EPG5: variants seen among roughly 807,000 people sequenced by gnomAD.
EPG5 encodes the protein ectopic P granules protein 5 homolog.
In EPG5, 159 loss-of-function variants were observed where a neutral mutation model predicts 302.7. The ratio of observed to expected loss-of-function variants is 0.53; its 90% CI spans 0.46 to 0.60. The LOEUF (loss-of-function observed/expected upper bound fraction) is 0.60. Ranked by LOEUF, EPG5 falls within the 20% of genes least tolerant of loss-of-function variation. The pLI, the probability that EPG5 is intolerant of heterozygous loss-of-function variation, is 0.00. For missense variants in EPG5, 2,896 were observed against 3,092.4 expected (o/e 0.94, Z 1.51); for synonymous variants, 1,158 against 1,136.8 (o/e 1.02, Z -0.37).
chr18:45,930,782 C>T lies in EPG5; in HGVS notation c.2306G>A (p.Ser769Asn). Residue 769 changes from serine (S) to asparagine (N), a missense_variant, in exon 12 of 44, where the codon AGC becomes AAC. Physicochemically the swap from Ser to Asn is conservative, Grantham distance 46. Around this residue, in one of 5 missense-constraint regions of EPG5, gnomAD observed 1,390 missense variants for 1,430.0 expected, o/e 0.97. Transcript: ENST00000282041. Reference sequence around the variant, plus strand: ...AGTCAGAAGGCAAATCTCTTCTGAGCTATTCATAGAAGAAAGACACTTCTC... The same window carrying T: ...AGTCAGAAGGCAAATCTCTTCTGAGTTATTCATAGAAGAAAGACACTTCTC... ...NFEKCLSSMN[S>N]SEEICLLTTF... The T allele has an allele frequency of 6.2e-7, 1 of 1,609,762 alleles. No homozygotes were observed. The highest frequency in any genetic ancestry group is 8.5e-7 in the Non-Finnish European group (1 of 1,178,638).
At chr18:45,905,934 TG>T (rs2049739830) in intron 24 of EPG5, among the ~76,000 whole-genome samples, 1 of 152,184 alleles carries the variant, frequency 6.6e-6, no homozygotes, top group South Asian at 2.1e-4. Flanking sequence ...CAGGACACCA[TG>T]GTCTCATGTG....
Position 45,907,764 on chromosome 18 carries a change from T to G in EPG5, c.4329+194A>C, listed in dbSNP as rs1488472584. On this transcript the variant is annotated intron_variant, in intron 24 of 43. Transcript: ENST00000282041. Reference sequence around the variant, plus strand: ...TCAAGCCTTCAGGTAGAAGGCACGGTGGGGCTGGAGATTCAAAAGGGAGTA... The same window carrying G: ...TCAAGCCTTCAGGTAGAAGGCACGGGGGGGCTGGAGATTCAAAAGGGAGTA... 1.7e-4 allele frequency: 80 copies of G among 476,246 alleles called. No individual in the cohort carries two copies. In the East Asian group the frequency reaches 3.0e-3, roughly 18 times the overall value. The allele number at this position is 476,246 out of a possible 1,614,324, so 29.5% of individuals were successfully genotyped here. A position where few individuals can be genotyped will look rare whatever the true frequency, so the allele number is the denominator to read the frequency against.
At chr18:45,826,891 C>G in the EPG5 span, among the ~76,000 whole-genome samples, 1 of 152,156 alleles carries the variant, frequency 6.6e-6, no homozygotes, top group Non-Finnish European at 1.5e-5. Flanking sequence ...GGCTGAAAAC[C>G]CTATGAGAAA....
chr18:45,917,788 G>T lies in EPG5; in HGVS notation c.3130C>A (p.Leu1044Ile). 1.2e-6 allele frequency: 2 copies of T among 1,614,120 alleles called. No individual in the cohort carries two copies. The highest frequency in any genetic ancestry group is 1.7e-6 in the Non-Finnish European group (2 of 1,179,966). ...CTTGACTGGACCAGAATTCCCAATA[G>T]TGGGATGCCTTCTGCACAGAACTTC... ...IEKFCAEGIPLLGILVQSRHL... is the reference protein window; with the variant it reads ...IEKFCAEGIPILGILVQSRHL... The change falls in exon 17 of 44, where the codon CTA (leucine) becomes ATA (isoleucine). Residue 1044 changes from leucine (L) to isoleucine (I), a missense_variant. Coordinates refer to ENST00000282041, the MANE Select transcript of EPG5 (RefSeq NM_020964.3).
the EPG5 span, among the ~76,000 whole-genome samples, chr18:45,805,803 T>G: frequency 9.2e-5 from 14 of 152,216 alleles, no homozygotes; most frequent in African/African-American, 3.1e-4. Context: ...CATAACAGTC[T>G]TGTATGTGCA....
Position 45,953,252 on chromosome 18 carries a change from T to C in EPG5, c.1009-609A>G, listed in dbSNP as rs189388502. 5.9e-5 allele frequency: 57 copies of C among 973,114 alleles called. No individual in the cohort carries two copies. The East Asian group carries it at 4.2e-3, about 73-fold the overall frequency. The allele number at this position is 973,114 out of a possible 1,614,324, so 60.3% of individuals were successfully genotyped here. ...CTAAGACTTTCATGATTGATGATCT[T>C]ACCTTCTATTTTATGAATATGAAGC... On this transcript the variant is annotated intron_variant, in intron 2 of 43. Transcript: ENST00000282041.
chr18:45,967,296 A>T lies in EPG5; in HGVS notation c.-57T>A. ...TTTGTCAAACCCCTGCGCTTCAAGC[A>T]ACCTGCCCGGTTCTGGCCTCCGGAC... On this transcript the variant is annotated 5_prime_UTR_variant, in exon 1 of 44. Coordinates refer to ENST00000282041, the MANE Select transcript of EPG5 (RefSeq NM_020964.3). 6.7e-7 allele frequency: 1 copy of T among 1,491,692 alleles called. No individual in the cohort carries two copies. The highest frequency in any genetic ancestry group is 1.4e-5 in the African/African-American group (1 of 71,380). 92.4% of individuals were successfully genotyped at this position (1,491,692 alleles called of 1,614,324 possible).
intron 22 of EPG5, among the ~76,000 whole-genome samples, chr18:45,911,126 T>C (rs915665186): frequency 5.4e-5 from 8 of 149,380 alleles, no homozygotes; most frequent in African/African-American, 1.7e-4. Context: ...TATATATATA[T>C]ACATTTTTTT....
chr18:45,934,055 G>A (rs527381627), intron 11 of EPG5, among the ~76,000 whole-genome samples: 30 of 152,142 alleles, frequency 2.0e-4, no homozygotes, highest in African/African-American at 6.0e-4. Context: ...TTGGGAGGCC[G>A]AAGCAGGCAG....
Position 45,907,744 on chromosome 18 carries a change from C to T in EPG5, c.4329+214G>A, listed in dbSNP as rs1315656592. ...AAAAAGCCCTAGAACAAGCTTCAAG[C>T]CTTCAGGTAGAAGGCACGGTGGGGC... On this transcript the variant is annotated intron_variant, in intron 24 of 43. Transcript: ENST00000282041. The T allele has an allele frequency of 9.5e-6, 4 of 420,164 alleles. No individual in the cohort carries two copies. The East Asian group carries it at 1.6e-4, about 17-fold the overall frequency. 26.0% of individuals were successfully genotyped at this position (420,164 alleles called of 1,614,324 possible).
chr18:45,904,630 G>A (rs9967557), intron 24 of EPG5, among the ~76,000 whole-genome samples: 5,697 of 152,000 alleles, frequency 0.037, 316 homozygotes, highest in African/African-American at 0.12. Flanking sequence ...CAAATAAATT[G>A]CAAGGAAAAG....
At chr18:45,856,129 A>G (rs1028331483) in intron 42 of EPG5, among the ~76,000 whole-genome samples, 3 of 152,266 alleles carry the variant, frequency 2.0e-5, no homozygotes, top group Non-Finnish European at 2.9e-5. Flanking sequence ...TGCAATAGCC[A>G]AAAGGTTGAA....
chr18:45,862,420 G>A (rs1027438298), intron 39 of EPG5, among the ~76,000 whole-genome samples: 4 of 152,108 alleles, frequency 2.6e-5, no homozygotes, highest in African/African-American at 7.2e-5. Flanking sequence ...TAAGTGATAC[G>A]GTTTGGATCT....
At chr18:45,938,261 G>A (rs998386444) in intron 10 of EPG5, among the ~76,000 whole-genome samples, 1 of 152,112 alleles carries the variant, frequency 6.6e-6, no homozygotes, top group Non-Finnish European at 1.5e-5. Context: ...AGGAGTTCAA[G>A]ACCAACCTGG....
At chr18:45,904,979 G>A (rs1176099956) in intron 24 of EPG5, among the ~76,000 whole-genome samples, 8 of 152,112 alleles carry the variant, frequency 5.3e-5, no homozygotes, top group Admixed American at 6.5e-5. Context: ...TGGGGAGGGG[G>A]AGAAGAGCAT....
At chr18:45,847,063 G>C (rs2048371103), downstream of EPG5, among the ~76,000 whole-genome samples, 1 of 152,164 alleles carries the variant, frequency 6.6e-6, no homozygotes, top group African/African-American at 2.4e-5. Context: ...AAGCTGCCAA[G>C]CTTAGACAAG....
In EPG5 at chr18:45,865,608, C is replaced by G. The variant is rs1352914881; in HGVS notation, c.6766+7G>C. On this transcript the variant is annotated splice_region_variant and intron_variant, in intron 39 of 43. Coordinates refer to ENST00000282041, the MANE Select transcript of EPG5 (RefSeq NM_020964.3). Reference sequence around the variant, plus strand: ...AATGAATACAGGACTTCCGACTGGTCACTTACCGGGCGGGTTAAAGACAAT... The same window carrying G: ...AATGAATACAGGACTTCCGACTGGTGACTTACCGGGCGGGTTAAAGACAAT... 1.2e-6 allele frequency: 2 copies of G among 1,613,544 alleles called. No individual in the cohort carries two copies. The highest frequency in any genetic ancestry group is 1.7e-6 in the Non-Finnish European group (2 of 1,179,782).
chr18:45,875,776 C>G (rs932750583), intron 35 of EPG5, among the ~76,000 whole-genome samples: 1 of 152,082 alleles, frequency 6.6e-6, no homozygotes, highest in Non-Finnish European at 1.5e-5. Flanking sequence ...ACCTAAAGGC[C>G]GGGCGTGGTG....
the EPG5 span, among the ~76,000 whole-genome samples, chr18:45,825,060 T>C: frequency 6.6e-6 from 1 of 151,030 alleles, no homozygotes; most frequent in Non-Finnish European, 1.5e-5. Context: ...AGAGCAAACA[T>C]CTGTGTATCT....
Sources: gnomAD v4.1 joint callset for allele counts (sites outside exome capture counted in the v4.1 genomes callset) on GRCh38, gnomAD v4.1.1 for gene constraint, gnomAD v4.1.1 regional missense constraint, MANE v1.5 for transcripts, NCBI Gene and HGNC (gene_info 2026-07-23, HGNC 2026-07-21) for gene names.